The following SNX29 variants were observed in gnomAD, a reference collection of about 807,000 sequenced individuals.
The protein encoded by SNX29 is sorting nexin-29.
A neutral mutation model predicts 102.1 loss-of-function variants in SNX29; 78 were observed. The ratio of observed to expected loss-of-function variants is 0.76; its 90% CI spans 0.64 to 0.92. The LOEUF (loss-of-function observed/expected upper bound fraction) is 0.92. Ranked by LOEUF, SNX29 falls within the 40% of genes least tolerant of loss-of-function variation. The pLI is 0.00. For synonymous variants in SNX29, 580 were observed against 414.5 expected (o/e 1.40, Z -4.85); for missense variants, 1,280 against 1,061.7 (o/e 1.21, Z -2.86).
intron 19 of SNX29, among the ~76,000 whole-genome samples, chr16:12,513,087 C>A (rs1344560242): frequency 6.6e-6 from 1 of 152,060 alleles, no homozygotes; most frequent in Non-Finnish European, 1.5e-5. Flanking sequence ...ATGCATCCTG[C>A]CCTGCGTACC....
In SNX29 at chr16:12,314,198, T is replaced by G. The variant is rs966132901; in HGVS notation, c.1782+36162T>G. ...AACCTTTGTACAGCTGGGGTCTTTC[T>G]GTGTTGCCCAGGCTGGTCCCAAACT... On this transcript the variant is annotated intron_variant, in intron 15 of 20. Transcript: ENST00000566228. 4.6e-5 allele frequency among the ~76,000 whole-genome samples: 7 copies of G among 152,202 alleles called. No individual in the cohort carries two copies. The South Asian group carries it at 1.5e-3, about 32-fold the overall frequency.
At chr16:12,481,007 A>G (rs2087880246) in intron 19 of SNX29, among the ~76,000 whole-genome samples, 1 of 152,106 alleles carries the variant, frequency 6.6e-6, no homozygotes, top group Non-Finnish European at 1.5e-5. Flanking sequence ...CTCCACCCTC[A>G]TCCCCAGGCT....
intron 19 of SNX29, among the ~76,000 whole-genome samples, chr16:12,500,625 T>C (rs1362265035): frequency 6.6e-6 from 1 of 152,250 alleles, no homozygotes; most frequent in Non-Finnish European, 1.5e-5. Context: ...TCTACAATTT[T>C]ATCATCTGTC....
intron 14 of SNX29, among the ~76,000 whole-genome samples, chr16:12,276,724 G>A (rs1396813055): frequency 1.3e-5 from 2 of 152,092 alleles, no homozygotes; most frequent in African/African-American, 2.4e-5. Context: ...GGTCTTCCCT[G>A]TTCTTGTTTT....
chr16:11,984,232 A>G (rs2055509494), intron 1 of SNX29, among the ~76,000 whole-genome samples: 1 of 151,992 alleles, frequency 6.6e-6, no homozygotes, highest in Non-Finnish European at 1.5e-5. Flanking sequence ...GTAGTGGTGC[A>G]TGCCCATGGT....
chr16:12,362,554 C>A (rs905064285), intron 16 of SNX29, among the ~76,000 whole-genome samples: 16 of 8,068 alleles, frequency 2.0e-3, no homozygotes, highest in Non-Finnish European at 3.2e-3. Context: ...CTGCTGCACT[C>A]CCCCCCCACC....
intron 15 of SNX29, among the ~76,000 whole-genome samples, chr16:12,296,199 TATC>T (rs1396107363): frequency 6.6e-6 from 1 of 152,228 alleles, no homozygotes; most frequent in Non-Finnish European, 1.5e-5. Context: ...TCTCTGTAAA[TATC>T]ATAATGACTG....
chr16:12,069,679 C>T (rs983932134), intron 10 of SNX29, among the ~76,000 whole-genome samples: 1 of 151,938 alleles, frequency 6.6e-6, no homozygotes, highest in Non-Finnish European at 1.5e-5. Context: ...ATCTGGGTGC[C>T]TCCTCTATTG....
Position 12,014,161 on chromosome 16 carries a change from T to G in SNX29, c.122+11118T>G, listed in dbSNP as rs147412404. On this transcript the variant is annotated intron_variant, in intron 3 of 20. Transcript: ENST00000566228. ...TTTTGTTCTCTCAGGCTGTGGACTT[T>G]GACCAGACTTGGAGATCCCATTGAC... is the stretch of plus-strand genomic sequence containing the variant. Among the ~76,000 whole-genome samples the G allele has an allele frequency of 6.7e-4, 102 of 152,234 alleles. 1 individual carries two copies. Among genetic ancestry groups the G allele is most frequent in the African/African-American group, 2.3e-3 (94 of 41,526 alleles).
chr16:12,218,765 T>C (rs1487859903), intron 14 of SNX29, among the ~76,000 whole-genome samples: 1 of 152,144 alleles, frequency 6.6e-6, no homozygotes, highest in Admixed American at 6.5e-5. Flanking sequence ...TTTCCAGGTT[T>C]TTATTTATTA....
intron 16 of SNX29, among the ~76,000 whole-genome samples, chr16:12,357,412 A>G (rs2082166597): frequency 6.6e-6 from 1 of 152,196 alleles, no homozygotes; most frequent in African/African-American, 2.4e-5. Context: ...TCAGTGTTCA[A>G]ATTTCCAATT....
chr16:12,362,761 A>G lies in SNX29; in HGVS notation c.1899+6482A>G, dbSNP rs965837235. Among the ~76,000 whole-genome samples the G allele has an allele frequency of 1.4e-4, 22 of 152,174 alleles. 1 individual carries two copies. In the East Asian group the frequency reaches 2.1e-3, roughly 15 times the overall value. ...CAAGGTCACACTTTCCAAGTTGACT[A>G]TGATGCTGACATGTGTCTCTCCCTT... On this transcript the variant is annotated intron_variant, in intron 16 of 20. Transcript: ENST00000566228.
chr16:12,119,131 T>A (rs1194543868), intron 11 of SNX29, among the ~76,000 whole-genome samples: 1 of 152,210 alleles, frequency 6.6e-6, no homozygotes, highest in Non-Finnish European at 1.5e-5. Flanking sequence ...AAAATGTGAC[T>A]CCTGGCTTCT....
chr16:12,207,327 C>T (rs1319122970), intron 14 of SNX29, among the ~76,000 whole-genome samples: 1 of 152,142 alleles, frequency 6.6e-6, no homozygotes, highest in African/African-American at 2.4e-5. Context: ...CAAGATCGCA[C>T]CACTTCACTC....
At chr16:12,028,780 C>G (rs181128324) in intron 4 of SNX29, among the ~76,000 whole-genome samples, 335 of 151,920 alleles carry the variant, frequency 2.2e-3, no homozygotes, top group Non-Finnish European at 3.7e-3. Context: ...TGGAGTCTTG[C>G]TCTTGTCGCC....
intron 13 of SNX29, among the ~76,000 whole-genome samples, chr16:12,170,543 A>T (rs1182531283): frequency 1.3e-5 from 2 of 151,416 alleles, no homozygotes; most frequent in African/African-American, 4.9e-5. Context: ...CAGAAGGAGG[A>T]GGGTAGATGG....
rs2078919845 is a variant in SNX29, at chr16:12,564,730, A to G, written c.2319-3776A>G. Reference sequence around the variant, plus strand: ...CAAGCCCACTTTGTTATAAAAATGCAGTTGTGCCTAACAACTGTCTGCTTC... The same window carrying G: ...CAAGCCCACTTTGTTATAAAAATGCGGTTGTGCCTAACAACTGTCTGCTTC... On this transcript the variant is annotated intron_variant, in intron 20 of 20. Transcript: ENST00000566228. 1.3e-5 allele frequency among the ~76,000 whole-genome samples: 2 copies of G among 152,090 alleles called. 1 individual carries two copies. Among genetic ancestry groups the G allele is most frequent in the Admixed American group, 1.3e-4 (2 of 15,266 alleles).
chr16:12,566,133 G>A (rs1045801127), intron 20 of SNX29, among the ~76,000 whole-genome samples: 7 of 152,200 alleles, frequency 4.6e-5, no homozygotes, highest in African/African-American at 9.7e-5. Context: ...GGCTCAGAGG[G>A]CAGGCATTTG....
intron 10 of SNX29, among the ~76,000 whole-genome samples, chr16:12,071,263 G>C (rs1294057790): frequency 6.6e-6 from 1 of 152,176 alleles, no homozygotes; most frequent in Non-Finnish European, 1.5e-5. Context: ...GTTCTGAATG[G>C]TAATGCCTAG....
Sources: allele counts gnomAD v4.1 joint callset (sites outside exome capture counted in the v4.1 genomes callset), GRCh38; gene constraint gnomAD v4.1.1; transcripts MANE v1.5; gene names NCBI Gene and HGNC (gene_info 2026-07-23, HGNC 2026-07-21).